MMP10: variants seen among roughly 807,000 people sequenced by gnomAD.
The protein encoded by MMP10 is stromelysin-2.
In MMP10, 50 loss-of-function variants were observed where a neutral mutation model predicts 49.1. The observed-to-expected ratio is 1.02, with a 90% CI of 0.81 to 1.29. The LOEUF (loss-of-function observed/expected upper bound fraction) is 1.29. Among genes scored for constraint, MMP10 ranks in the 50% most tolerant of loss-of-function variants. The probability of loss-of-function intolerance (pLI) is 0.00; values close to 1 mark genes in which losing one functional copy is unlikely to be tolerated. For synonymous variants in MMP10, 229 were observed against 201.6 expected (o/e 1.14, Z -1.15); for missense variants, 613 against 563.8 (o/e 1.09, Z -0.88).
At chr11:102,775,548 T>G (rs890488188) in intron 6 of MMP10, among the ~76,000 whole-genome samples, 1 of 152,158 alleles carries the variant, frequency 6.6e-6, no homozygotes, top group Non-Finnish European at 1.5e-5. Flanking sequence ...AGTGTGCATA[T>G]TATGTCCTAA....
At chr11:102,778,331 A>C (rs1857774572) in intron 4 of MMP10, among the ~76,000 whole-genome samples, 1 of 152,220 alleles carries the variant, frequency 6.6e-6, no homozygotes, top group South Asian at 2.1e-4. Context: ...AAAGTGATGA[A>C]AAACATTATT....
chr11:102,779,577 C>T lies in MMP10; in HGVS notation c.274G>A (p.Gly92Arg), dbSNP rs1857796030. The change falls in exon 2 of 10, where the codon GGA (glycine) becomes AGA (arginine). Residue 92 changes from glycine (G) to arginine (R), a missense_variant. By Grantham distance (125) the Gly-to-Arg change is moderately radical (BLOSUM62 -2). Transcript: ENST00000279441. ...CTGAAGTGACCAACGTCAGGAACTC[C>T]ACACCTGGGCTTGCGCATCACCTCC... ...TLEVMRKPRC[G>R]VPDVGHFSSF... 3.1e-6 allele frequency: 5 copies of T among 1,613,928 alleles called. No homozygotes were observed. In the African/African-American group the frequency reaches 5.3e-5, roughly 17 times the overall value.
intron 4 of MMP10, among the ~76,000 whole-genome samples, chr11:102,777,052 A>G (rs1284904550): frequency 2.0e-5 from 3 of 151,836 alleles, no homozygotes; most frequent in African/African-American, 7.3e-5. Flanking sequence ...ATATTGACAA[A>G]TGAGAAGCAT....
Position 102,778,624 on chromosome 11 carries a change from C to T in MMP10, c.622G>A (p.Gly208Ser). The T allele has an allele frequency of 6.2e-7, 1 of 1,613,830 alleles. No individual in the cohort carries two copies. Among genetic ancestry groups the T allele is most frequent in the Admixed American group, 1.7e-5 (1 of 59,940 alleles). Residue 208 changes from glycine (G) to serine (S), a missense_variant and splice_region_variant, in exon 4 of 10, where the codon GGC (glycine) becomes AGC (serine). Gly to Ser is a moderately conservative substitution (Grantham distance 56). Transcript: ENST00000279441. ...DDEKWTEDAS[G>S]TNLFLVAAHE... is the part of the protein sequence containing the mutation. Reference sequence around the variant, plus strand: ...TGTTCCCGAGAGGTTTACGACCCACCTGATGCATCTTCTGTCCATTTTTCA... The same window carrying T: ...TGTTCCCGAGAGGTTTACGACCCACTTGATGCATCTTCTGTCCATTTTTCA...
intron 6 of MMP10, among the ~76,000 whole-genome samples, chr11:102,775,609 T>C (rs1319750940): frequency 6.6e-6 from 1 of 152,150 alleles, no homozygotes; most frequent in Admixed American, 6.6e-5. Flanking sequence ...GAGTAGAACA[T>C]TTTTGTAAAG....
At chr11:102,777,854 C>G (rs1857767928) in intron 4 of MMP10, among the ~76,000 whole-genome samples, 2 of 152,004 alleles carry the variant, frequency 1.3e-5, no homozygotes, top group Non-Finnish European at 2.9e-5. Context: ...GTTGCCCAGG[C>G]TGGAGTACAG....
In MMP10 at chr11:102,772,168, C is replaced by T. The variant is rs17860995; in HGVS notation, c.1227-53G>A. Reference sequence around the variant, plus strand: ...AATGATGTGCAGTAGTCCCATTACACACAATAGTATAATGTGATGTTAATT... The same window carrying T: ...AATGATGTGCAGTAGTCCCATTACATACAATAGTATAATGTGATGTTAATT... On this transcript the variant is annotated intron_variant, in intron 8 of 9. Transcript: ENST00000279441. The surrounding 1 kb of genome is among the most constrained non-coding windows in gnomAD (Gnocchi z 4.4). The T allele has an allele frequency of 0.11, 124,472 of 1,102,418 alleles. 7,813 individuals carry two copies. Among genetic ancestry groups the T allele is most frequent in the South Asian group, 0.14 (10,769 of 77,886 alleles). The allele number at this position is 1,102,418 out of a possible 1,614,324, so 68.3% of individuals were successfully genotyped here. A position where few individuals can be genotyped will look rare whatever the true frequency, so the allele number is the denominator to read the frequency against.
chr11:102,778,012 A>T (rs957799330), intron 4 of MMP10, among the ~76,000 whole-genome samples: 3 of 152,238 alleles, frequency 2.0e-5, no homozygotes, highest in African/African-American at 4.8e-5. Flanking sequence ...TTATTTCAAC[A>T]GTGTGTTTCT....
chr11:102,775,382 C>T, intron 6 of MMP10, 61 bp from the exon 7 acceptor site: 1 of 1,407,528 alleles, frequency 7.1e-7, no homozygotes, highest in Non-Finnish European at 9.6e-7. Flanking sequence ...AAAAAAAATT[C>T]TTTTTTTTTA....
intron 5 of MMP10, 69 bp downstream of exon 5, chr11:102,776,543 G>T: frequency 6.4e-7 from 1 of 1,574,220 alleles, no homozygotes; most frequent in South Asian, 1.2e-5. Flanking sequence ...ACTTTAGGTA[G>T]CACTGGAAAG....
rs773678711 is a variant in MMP10 at position 102,776,420 on chromosome 11, A to G, written c.792T>C (p.Pro264=). 1 of 1,609,936 alleles carries G rather than the reference A, an allele frequency of 6.2e-7. No individual in the cohort carries two copies. Among genetic ancestry groups the G allele is most frequent in the Non-Finnish European group, 8.5e-7 (1 of 1,178,638 alleles). Residue 264 remains proline, a synonymous_variant, in exon 6 of 10, where the codon CCT becomes CCC. Coordinates refer to ENST00000279441, the MANE Select transcript of MMP10 (RefSeq NM_002425.3). ...DVNGIQSLYG[P]PPASTEEPLV... ...GGGGTTCCTCAGTAGAGGCAGGGGGAGGTCCTAAAGGAAACAGATTTGGGG... is the reference window on the plus strand; with the variant it reads ...GGGGTTCCTCAGTAGAGGCAGGGGGGGGTCCTAAAGGAAACAGATTTGGGG...
At chr11:102,779,145 T>C in intron 3 of MMP10, 68 bp downstream of exon 3, 3 of 1,572,970 alleles carry the variant, frequency 1.9e-6, no homozygotes, top group Non-Finnish European at 2.6e-6. Context: ...TTACCCAGTC[T>C]AAGGTAACTT....
At position 102,779,624 on chromosome 11, in the gene MMP10, C is replaced by T. The variant is rs1328664790; in HGVS notation, c.227G>A (p.Gly76Glu). Residue 76 changes from glycine (G) to glutamate (E), a missense_variant, in exon 2 of 10, where the codon GGG (glycine) becomes GAG (glutamate). By Grantham distance (98) the Gly-to-Glu change is moderately conservative. Coordinates refer to ENST00000279441, the MANE Select transcript of MMP10 (RefSeq NM_002425.3). ...MQKFLGLEVT[G>E]KLDTDTLEVM... Reference sequence around the variant, plus strand: ...CTCCAGAGTGTCAGTGTCTAGCTTCCCTGTCACCTCCAACCCAAGGAACTT... The same window carrying T: ...CTCCAGAGTGTCAGTGTCTAGCTTCTCTGTCACCTCCAACCCAAGGAACTT... 6.2e-7 allele frequency: 1 copy of T among 1,614,056 alleles called. No homozygotes were observed. Among genetic ancestry groups the T allele is most frequent in the South Asian group, 1.1e-5 (1 of 91,082 alleles).
Position 102,778,678 on chromosome 11 carries a change from G to A in MMP10, c.568C>T (p.Leu190Phe). 6.2e-7 allele frequency: 1 copy of A among 1,613,958 alleles called. No individual in the cohort carries two copies. The highest frequency in any genetic ancestry group is 8.5e-7 in the Non-Finnish European group (1 of 1,179,950). ...TCATCAAAGTGAATATCTCCATAAA[G>A]CCCAGGTCCAGGTGGGTAGGCATGA... ...LAHAYPPGPG[L>F]YGDIHFDDDE... The change falls in exon 4 of 10, where the codon CTT becomes TTT. Residue 190 changes from leucine to phenylalanine, a missense_variant. Coordinates refer to ENST00000279441, the MANE Select transcript of MMP10 (RefSeq NM_002425.3).
intron 6 of MMP10, 107 bp from the exon 7 acceptor site, chr11:102,775,428 A>G (rs1208355743): frequency 3.5e-6 from 3 of 854,692 alleles, no homozygotes; most frequent in East Asian, 5.6e-5. Context: ...AGAAGTCTGT[A>G]TTAAACCATC....
chr11:102,775,462 A>G, intron 6 of MMP10, 141 bp from the exon 7 acceptor site: 1 of 594,362 alleles, frequency 1.7e-6, no homozygotes, highest in Non-Finnish European at 2.8e-6. Flanking sequence ...TTCCAGGGTA[A>G]TGAAATCGAT....
intron 9 of MMP10, among the ~76,000 whole-genome samples, chr11:102,771,528 T>C (rs553242467): frequency 6.6e-6 from 1 of 152,328 alleles, no homozygotes; most frequent in South Asian, 2.1e-4. Context: ...ATTTGACCTA[T>C]TTTGAGCATA....
intron 7 of MMP10, among the ~76,000 whole-genome samples, chr11:102,774,491 G>C (rs1057371547): frequency 6.6e-6 from 1 of 151,832 alleles, no homozygotes; most frequent in African/African-American, 2.4e-5. Context: ...AAAGGCAAAA[G>C]GATTCAGTAT....
In MMP10 at chr11:102,776,326, C is replaced by A. The variant is rs139185475; in HGVS notation, c.886G>T (p.Asp296Tyr). Residue 296 changes from aspartate to tyrosine, a missense_variant, in exon 6 of 10, where the codon GAT (aspartate) becomes TAT (tyrosine). Asp to Tyr is a radical substitution (Grantham distance 160). Coordinates refer to ENST00000279441, the MANE Select transcript of MMP10 (RefSeq NM_002425.3). ...TCTCCCCTCAGAGTGCTGATGGCAT[C>A]GAAGGACAAAGCAGGATCACACTTG... Reference protein sequence around the residue: ...PAKCDPALSFDAISTLRGEYL... With the variant: ...PAKCDPALSFYAISTLRGEYL... 3 of 1,613,734 alleles carry A rather than the reference C, an allele frequency of 1.9e-6. No homozygotes were observed. The highest frequency in any genetic ancestry group is 2.5e-6 in the Non-Finnish European group (3 of 1,179,884).
Sources: gnomAD v4.1 joint callset for allele counts (sites outside exome capture counted in the v4.1 genomes callset) on GRCh38, gnomAD v4.1.1 for gene constraint, Gnocchi (gnomAD v3.1) non-coding constraint, MANE v1.5 for transcripts, NCBI Gene and HGNC (gene_info 2026-07-23, HGNC 2026-07-21) for gene names.